Variants in MSRA observed in about 807,000 individuals in gnomAD.
The protein encoded by MSRA is methionine sulfoxide reductase A.
In MSRA, 54 loss-of-function variants were observed where a neutral mutation model predicts 31.3. The observed-to-expected ratio is 1.73, with a 90% CI of 1.39 to 2.17. The LOEUF (loss-of-function observed/expected upper bound fraction) is 2.17, where lower values mean the gene tolerates loss of function less well. Among genes scored for constraint, MSRA ranks in the 30% most tolerant of loss-of-function variants. MSRA has a pLI of 0.00. For synonymous variants in MSRA, 169 were observed against 116.5 expected (o/e 1.45, Z -2.90); for missense variants, 507 against 300.9 (o/e 1.69, Z -5.07).
At chr8:10,378,121 G>A (rs1328363484) in intron 5 of MSRA, among the ~76,000 whole-genome samples, 1 of 152,238 alleles carries the variant, frequency 6.6e-6, no homozygotes, top group Non-Finnish European at 1.5e-5. Flanking sequence ...GCGGAAGCAG[G>A]GAGAAAGGGC....
At chr8:10,111,018 A>G (rs926174204) in intron 1 of MSRA, among the ~76,000 whole-genome samples, 8 of 152,248 alleles carry the variant, frequency 5.3e-5, no homozygotes, top group Non-Finnish European at 8.8e-5. Flanking sequence ...CAAGTGTGGA[A>G]CCATTACTGA....
chr8:10,098,150 C>T (rs914933170), intron 1 of MSRA, among the ~76,000 whole-genome samples: 2 of 152,040 alleles, frequency 1.3e-5, no homozygotes, highest in Admixed American at 6.6e-5. Flanking sequence ...AACACATTGA[C>T]ATTTAGGTTA....
At chr8:10,097,502 AAGTT>A (rs1475398998) in intron 1 of MSRA, among the ~76,000 whole-genome samples, 7 of 152,222 alleles carry the variant, frequency 4.6e-5, no homozygotes, top group African/African-American at 1.7e-4. Context: ...AACAAAAAGA[AAGTT>A]CAGCAAACAA....
At position 10,343,046 on chromosome 8, in the gene MSRA, C is replaced by CACAG. The variant is rs1554533287; in HGVS notation, c.543+23060_543+23061insGACA. On this transcript the variant is annotated intron_variant, in intron 5 of 5. Coordinates refer to ENST00000317173, the MANE Select transcript of MSRA (RefSeq NM_012331.5). ...ACACACACACACACACACACACACACACACACAGACACACACACACACACA... is the reference window on the plus strand; with the variant it reads ...ACACACACACACACACACACACACACACAGACACACAGACACACACACACACACA... Among the ~76,000 whole-genome samples, 237 of 100,752 alleles carry CACAG rather than the reference C, an allele frequency of 2.4e-3. 1 individual carries two copies. The highest frequency in any genetic ancestry group is 8.1e-3 in the African/African-American group (215 of 26,568). 66.1% of individuals were successfully genotyped at this position (100,752 alleles called of 152,430 possible). A position where few individuals can be genotyped will look rare whatever the true frequency, so the allele number is the denominator to read the frequency against.
At chr8:10,319,834 C>T (rs1170911602) in intron 4 of MSRA, 49 bp from the exon 5 acceptor site, 4 of 1,156,786 alleles carry the variant, frequency 3.5e-6, no homozygotes, top group Non-Finnish European at 4.8e-6. Flanking sequence ...TTGAGACTGG[C>T]ACTGTCGCCT....
chr8:10,212,520 G>A (rs185996228), intron 2 of MSRA, among the ~76,000 whole-genome samples: 60 of 152,260 alleles, frequency 3.9e-4, no homozygotes, highest in East Asian at 1.5e-3. Flanking sequence ...TAGTAGTTAC[G>A]CTAACTTTGG....
intron 3 of MSRA, among the ~76,000 whole-genome samples, chr8:10,255,614 G>T (rs921565305): frequency 6.6e-6 from 1 of 152,044 alleles, no homozygotes; most frequent in Non-Finnish European, 1.5e-5. Flanking sequence ...GTGTGTCTTT[G>T]TGCACAAGAA....
chr8:10,385,618 C>A (rs998429066), intron 5 of MSRA, among the ~76,000 whole-genome samples: 20 of 152,144 alleles, frequency 1.3e-4, no homozygotes, highest in African/African-American at 4.6e-4. Context: ...GGCCTGGCTC[C>A]CAGAGTTCAG....
intron 5 of MSRA, among the ~76,000 whole-genome samples, chr8:10,399,958 G>C (rs985568486): frequency 6.6e-6 from 1 of 152,168 alleles, no homozygotes; most frequent in East Asian, 1.9e-4. Context: ...ATAAGATGAG[G>C]CATGGGAGTG....
At chr8:10,279,742 A>G (rs1043859651) in intron 3 of MSRA, among the ~76,000 whole-genome samples, 1 of 152,232 alleles carries the variant, frequency 6.6e-6, no homozygotes, top group Non-Finnish European at 1.5e-5. Context: ...ACCTGAATGT[A>G]GCGTCCATGC....
chr8:10,150,109 C>T (rs78276517), intron 1 of MSRA, among the ~76,000 whole-genome samples: 3,732 of 151,766 alleles, frequency 0.025, 144 homozygotes, highest in African/African-American at 0.084. Flanking sequence ...ACAGGAATGC[C>T]GAGAGCTGAC....
At chr8:10,119,672 G>A (rs1463865131) in intron 1 of MSRA, among the ~76,000 whole-genome samples, 1 of 152,192 alleles carries the variant, frequency 6.6e-6, no homozygotes, top group Non-Finnish European at 1.5e-5. Context: ...CATGATTATT[G>A]GAGAGCACCA....
intron 3 of MSRA, among the ~76,000 whole-genome samples, chr8:10,300,021 C>T (rs924455114): frequency 1.3e-5 from 2 of 152,070 alleles, no homozygotes; most frequent in African/African-American, 4.8e-5. Flanking sequence ...GTTATGTATT[C>T]ATTATAAATG....
At chr8:10,253,438 T>C (rs1798020075) in intron 3 of MSRA, among the ~76,000 whole-genome samples, 1 of 152,224 alleles carries the variant, frequency 6.6e-6, no homozygotes, top group South Asian at 2.1e-4. Context: ...TGACAGACTT[T>C]AAGTAGTTAA....
chr8:10,220,963 C>G (rs1207239381), intron 2 of MSRA, among the ~76,000 whole-genome samples: 1 of 152,228 alleles, frequency 6.6e-6, no homozygotes, highest in Non-Finnish European at 1.5e-5. Context: ...CCCAGAAACC[C>G]TTTCCCGTTC....
rs151173633 is a variant in MSRA, at chr8:10,266,400, T to C, written c.331+21177T>C. 3.6e-3 allele frequency among the ~76,000 whole-genome samples: 547 copies of C among 152,366 alleles called. 4 individuals carry two copies. Among genetic ancestry groups the C allele is most frequent in the African/African-American group, 0.012 (511 of 41,586 alleles). ...CCATGTGTATGTCTTTCATAAATTG[T>C]CTGTTCAAATCTCTTATGTATGCTT... On this transcript the variant is annotated intron_variant, in intron 3 of 5. Coordinates refer to ENST00000317173, the MANE Select transcript of MSRA (RefSeq NM_012331.5).
chr8:10,155,767 A>G (rs1476497565), intron 1 of MSRA, among the ~76,000 whole-genome samples: 2 of 152,146 alleles, frequency 1.3e-5, no homozygotes, highest in Non-Finnish European at 2.9e-5. Flanking sequence ...AAAAACCCAT[A>G]TGAGTCCACA....
chr8:10,155,418 C>T (rs1009246692), intron 1 of MSRA, among the ~76,000 whole-genome samples: 4 of 152,182 alleles, frequency 2.6e-5, no homozygotes, highest in African/African-American at 7.2e-5. Flanking sequence ...GTTGTATCAA[C>T]TGAAGAGCCT....
At position 10,157,093 on chromosome 8, in the gene MSRA, C is replaced by G. The variant is rs544143316; in HGVS notation, c.143-50740C>G. ...TACATCGTAGATTTGAAATTTAAACCCAGTTCTTTCTGACTCTAATTTACC... is the reference window on the plus strand; with the variant it reads ...TACATCGTAGATTTGAAATTTAAACGCAGTTCTTTCTGACTCTAATTTACC... On this transcript the variant is annotated intron_variant, in intron 1 of 5. Coordinates refer to ENST00000317173, the MANE Select transcript of MSRA (RefSeq NM_012331.5). Among the ~76,000 whole-genome samples the G allele has an allele frequency of 8.5e-5, 13 of 152,058 alleles. No individual in the cohort carries two copies. The South Asian group carries it at 2.7e-3, about 32-fold the overall frequency.
Sources: allele counts gnomAD v4.1 joint callset (sites outside exome capture counted in the v4.1 genomes callset), GRCh38; gene constraint gnomAD v4.1.1; transcripts MANE v1.5; gene names NCBI Gene and HGNC (gene_info 2026-07-23, HGNC 2026-07-21).